Variants in FAM107B observed in about 807,000 individuals in gnomAD.
FAM107B encodes the protein family with sequence similarity 107 member B.
Under a neutral mutation model 31.5 loss-of-function variants are expected in FAM107B, and 21 were observed. The observed-to-expected ratio is 0.67, with a 90% CI of 0.47 to 0.96. The LOEUF (loss-of-function observed/expected upper bound fraction) is 0.96. FAM107B is among the 40% of genes least tolerant of loss of function. The pLI, the probability that FAM107B is intolerant of heterozygous loss-of-function variation, is 0.00. For synonymous variants in FAM107B, 157 were observed against 141.5 expected (o/e 1.11, Z -0.78); for missense variants, 452 against 377.1 (o/e 1.20, Z -1.64).
At chr10:14,675,850 A>G (rs1854669767) in intron 1 of FAM107B, among the ~76,000 whole-genome samples, 2 of 152,190 alleles carry the variant, frequency 1.3e-5, no homozygotes, top group African/African-American at 4.8e-5. Context: ...GTTAAAGTGC[A>G]GCAGTCCCAT....
intron 1 of FAM107B, among the ~76,000 whole-genome samples, chr10:14,726,717 C>G (rs1856043807): frequency 1.3e-5 from 2 of 152,088 alleles, no homozygotes; most frequent in African/African-American, 4.8e-5. Context: ...CCCAAATTAT[C>G]AGCTGCTTTC....
chr10:14,527,549 C>T (rs750796447), intron 3 of FAM107B, among the ~76,000 whole-genome samples: 5 of 152,216 alleles, frequency 3.3e-5, no homozygotes, highest in African/African-American at 4.8e-5. Context: ...TATTTCTAAA[C>T]ACTATTTCAA....
In FAM107B at chr10:14,520,544, C is replaced by G. The variant is rs1317743843; in HGVS notation, c.*646G>C. 6.6e-6 allele frequency: 1 copy of G among 152,172 alleles called. No individual in the cohort carries two copies. 9.4% of individuals were successfully genotyped at this position (152,172 alleles called of 1,614,324 possible). A position where few individuals can be genotyped will look rare whatever the true frequency, so the allele number is the denominator to read the frequency against. On this transcript the variant is annotated 3_prime_UTR_variant, in exon 5 of 5. Transcript: ENST00000181796. ...TAGCCTGCTATTATTACACAGAGAA[C>G]CAAAAGGAATGAAAATAAAATCAAG...
At chr10:14,553,584 A>G in intron 2 of FAM107B, 1 of 313,232 alleles carries the variant, frequency 3.2e-6, no homozygotes, top group Non-Finnish European at 6.3e-6. Flanking sequence ...CACACAGGAA[A>G]CTGGGCAAAA....
intron 2 of FAM107B, among the ~76,000 whole-genome samples, chr10:14,659,316 C>T (rs1259788002): frequency 1.3e-5 from 2 of 152,130 alleles, no homozygotes; most frequent in African/African-American, 2.4e-5. Flanking sequence ...TGGCGCGCAC[C>T]TGTAGTCTCA....
At chr10:14,717,582 C>T (rs1175320651) in intron 1 of FAM107B, among the ~76,000 whole-genome samples, 1 of 152,142 alleles carries the variant, frequency 6.6e-6, no homozygotes, top group Non-Finnish European at 1.5e-5. Context: ...CATCTGGGCC[C>T]AGGAAAAGAG....
intron 1 of FAM107B, among the ~76,000 whole-genome samples, chr10:14,761,731 G>A (rs1833051368): frequency 6.6e-6 from 1 of 151,944 alleles, no homozygotes; most frequent in Admixed American, 6.6e-5. Context: ...TCAAGTAGCT[G>A]GGAGCACAGA....
At chr10:14,709,212 G>A (rs193017661) in intron 1 of FAM107B, among the ~76,000 whole-genome samples, 2 of 152,250 alleles carry the variant, frequency 1.3e-5, no homozygotes, top group African/African-American at 4.8e-5. Context: ...CAAATGACTG[G>A]AAACGTATGT....
At chr10:14,712,461 A>G (rs376915794) in intron 1 of FAM107B, among the ~76,000 whole-genome samples, 1 of 151,612 alleles carries the variant, frequency 6.6e-6, no homozygotes, top group Non-Finnish European at 1.5e-5. Flanking sequence ...AGCTGTGGTG[A>G]TGGGCGCTTG....
intron 2 of FAM107B, among the ~76,000 whole-genome samples, chr10:14,616,138 A>C (rs1852844184): frequency 1.3e-5 from 2 of 152,196 alleles, no homozygotes; most frequent in Admixed American, 1.3e-4. Context: ...TAAAAAAATA[A>C]TAATAATATT....
chr10:14,605,530 A>G (rs147787466), intron 2 of FAM107B, among the ~76,000 whole-genome samples: 2 of 152,340 alleles, frequency 1.3e-5, no homozygotes, highest in African/African-American at 2.4e-5. Context: ...CACATCAGTT[A>G]CGGATTTTGG....
At chr10:14,587,463 T>C (rs1404230709) in intron 2 of FAM107B, among the ~76,000 whole-genome samples, 2 of 152,248 alleles carry the variant, frequency 1.3e-5, no homozygotes, top group Admixed American at 1.3e-4. Flanking sequence ...ATAGTTCTCA[T>C]ACATTTAAAT....
chr10:14,524,058 T>C (rs1845960980), intron 3 of FAM107B, among the ~76,000 whole-genome samples: 1 of 149,608 alleles, frequency 6.7e-6, no homozygotes, highest in Admixed American at 6.7e-5. Context: ...TTTTCGTTTT[T>C]GAGATACAGT....
chr10:14,592,303 G>A (rs1298853377), intron 2 of FAM107B, among the ~76,000 whole-genome samples: 1 of 152,194 alleles, frequency 6.6e-6, no homozygotes, highest in Non-Finnish European at 1.5e-5. Flanking sequence ...GGGGCTACTA[G>A]TGCGGAAATG....
intron 1 of FAM107B, among the ~76,000 whole-genome samples, chr10:14,671,257 A>T (rs1338740700): frequency 6.6e-6 from 1 of 152,222 alleles, no homozygotes; most frequent in East Asian, 1.9e-4. Flanking sequence ...AGTTCAGCTA[A>T]AGACAGAGTT....
At position 14,648,437 on chromosome 10, in the gene FAM107B, G is replaced by A. The variant is rs550390116; in HGVS notation, c.469+19197C>T. 7.9e-5 allele frequency among the ~76,000 whole-genome samples: 12 copies of A among 152,262 alleles called. No homozygotes were observed. The East Asian group carries it at 1.5e-3, about 20-fold the overall frequency. ...CACTTCCTCTGTGTTCATACCCAGC[G>A]AACTCAAGCTATTCAGATATCACTG... On this transcript the variant is annotated intron_variant, in intron 2 of 4. Transcript: ENST00000181796.
At chr10:14,649,477 C>G (rs564287355) in intron 2 of FAM107B, among the ~76,000 whole-genome samples, 1 of 152,224 alleles carries the variant, frequency 6.6e-6, no homozygotes, top group African/African-American at 2.4e-5. Context: ...AGCCTGCTAT[C>G]TGGAGGCTTC....
At chr10:14,707,155 A>T (rs1177680686) in intron 1 of FAM107B, among the ~76,000 whole-genome samples, 2 of 151,996 alleles carry the variant, frequency 1.3e-5, no homozygotes, top group Admixed American at 1.3e-4. Context: ...ACAACAAAAA[A>T]ACAAAACAAC....
chr10:14,763,353 A>T (rs1040768369), intron 1 of FAM107B, among the ~76,000 whole-genome samples: 1 of 152,230 alleles, frequency 6.6e-6, no homozygotes, highest in Non-Finnish European at 1.5e-5. Context: ...CCTGCTTGCC[A>T]GCAGATGTTT....
Sources: gnomAD v4.1 joint callset for allele counts (sites outside exome capture counted in the v4.1 genomes callset) on GRCh38, gnomAD v4.1.1 for gene constraint, MANE v1.5 for transcripts, NCBI Gene and HGNC (gene_info 2026-07-23, HGNC 2026-07-21) for gene names.